SEC31B: variants seen among roughly 807,000 people sequenced by gnomAD.
SEC31B encodes SEC31 homolog B, COPII component, also known as protein transport protein Sec31B.
Under a neutral mutation model 135.0 loss-of-function variants are expected in SEC31B, and 113 were observed. That is an observed-to-expected ratio of 0.84 (90% CI 0.72 to 0.98). The LOEUF is 0.98. Among genes scored for constraint, SEC31B ranks in the 50% least tolerant of loss-of-function variants. SEC31B has a pLI of 0.00. For missense variants in SEC31B, 1,296 were observed against 1,421.1 expected (o/e 0.91, Z 1.42); for synonymous variants, 508 against 549.4 (o/e 0.92, Z 1.05).
intron 23 of SEC31B, 62 bp downstream of exon 23, chr10:100,489,189 TG>T (rs1851250038): frequency 1.3e-6 from 2 of 1,529,014 alleles, no homozygotes. Context: ...CCATCTACCA[TG>T]ACCTGCACCC....
chr10:100,490,033 G>A lies in SEC31B; in HGVS notation c.2940C>T (p.Thr980=), dbSNP rs1462173687. The A allele has an allele frequency of 6.5e-7, 1 of 1,548,780 alleles. No homozygotes were observed. The highest frequency in any genetic ancestry group is 1.4e-5 in the African/African-American group (1 of 72,502). The change falls in exon 21 of 26, where the codon ACC becomes ACT. Residue 980 remains threonine (T), a synonymous_variant. Coordinates refer to ENST00000370345, the MANE Select transcript of SEC31B (RefSeq NM_015490.4). ...PGAPCSSVLP[T]TGILTPHPGP... is the part of the protein sequence containing the mutation. ...CTGGGTGAGGAGTCAAGATGCCAGT[G>A]GTTGGGAGGACACTAGAGCATGGGG...
At position 100,507,437 on chromosome 10, in the gene SEC31B, T is replaced by G; in HGVS notation, c.770A>C (p.Glu257Ala). ...TCTGAGATGCTACCTGCTGTGGCTC[T>G]CCAGCACCTTCAAGGGCGAGGAGGC... ...RFASSPLKVLESHSRGILSVS... is the reference protein window; with the variant it reads ...RFASSPLKVLASHSRGILSVS... The change falls in exon 7 of 26, where the codon GAG becomes GCG. Residue 257 changes from glutamate to alanine, a missense_variant. Transcript: ENST00000370345. 6.2e-7 allele frequency: 1 copy of G among 1,614,212 alleles called. No homozygotes were observed.
intron 7 of SEC31B, 67 bp downstream of exon 7, chr10:100,507,358 T>C (rs1851651021): frequency 1.3e-6 from 2 of 1,594,140 alleles, no homozygotes; most frequent in Non-Finnish European, 8.6e-7. Flanking sequence ...AGGGATACAT[T>C]GCCTCCTACC....
At position 100,489,734 on chromosome 10, in the gene SEC31B, G is replaced by A. The variant is rs754655558; in HGVS notation, c.2993C>T (p.Pro998Leu). Reference protein sequence around the residue: ...PGPQDSWKEAPAPRGNLQRNK... With the variant: ...PGPQDSWKEALAPRGNLQRNK... ...CCTCTGGAGGTTTCCCCTGGGGGCT[G>A]GGGCTTCTTTCCAGGAATCTTGAGG... is the stretch of plus-strand genomic sequence containing the variant. The change falls in exon 22 of 26, where the codon CCA becomes CTA. Residue 998 changes from proline to leucine, a missense_variant. Physicochemically the swap from Pro to Leu is moderately conservative, Grantham distance 98. Coordinates refer to ENST00000370345, the MANE Select transcript of SEC31B (RefSeq NM_015490.4). 1 of 1,614,116 alleles carries A rather than the reference G, an allele frequency of 6.2e-7. No homozygotes were observed. The highest frequency in any genetic ancestry group is 2.2e-5 in the East Asian group (1 of 44,884).
At chr10:100,515,487 T>C (rs1222406747) in intron 3 of SEC31B, among the ~76,000 whole-genome samples, 1 of 152,198 alleles carries the variant, frequency 6.6e-6, no homozygotes, top group Non-Finnish European at 1.5e-5. Context: ...TGGACACAGA[T>C]AGGCCTTGAC....
At chr10:100,496,481 CT>C in intron 17 of SEC31B, 50 bp from the exon 18 acceptor site, 2 of 1,588,704 alleles carry the variant, frequency 1.3e-6, no homozygotes, top group Non-Finnish European at 1.7e-6. Context: ...GCATATCCTG[CT>C]CTCTAAGTCC....
Position 100,498,155 on chromosome 10 carries a change from G to A in SEC31B, c.1737C>T (p.Ala579=), listed in dbSNP as rs146003942. ...QALLLGELGP[A]VELCLKEERF... ...GCTCCTCCTTCAGACACAGCTCCAC[G>A]GCCGGACCCAGTTCCCCAAGCAGGA... The change falls in exon 15 of 26, where the codon GCC becomes GCT. Residue 579 remains alanine, a synonymous_variant. Transcript: ENST00000370345. 1.5e-4 allele frequency: 240 copies of A among 1,614,004 alleles called. No homozygotes were observed. The highest frequency in any genetic ancestry group is 1.6e-4 in the Middle Eastern group (1 of 6,084).
chr10:100,492,923 C>T (rs1002349898), intron 19 of SEC31B, among the ~76,000 whole-genome samples: 2 of 152,114 alleles, frequency 1.3e-5, no homozygotes, highest in Admixed American at 6.5e-5. Flanking sequence ...AATTATAAAA[C>T]GCTGATGGAG....
At chr10:100,493,945 CG>C (rs1427389858) in intron 19 of SEC31B, among the ~76,000 whole-genome samples, 3 of 130,030 alleles carry the variant, frequency 2.3e-5, no homozygotes, top group African/African-American at 9.2e-5. Flanking sequence ...TGAAAAGAGA[CG>C]GGGAGAGGGA....
chr10:100,498,890 A>G, intron 13 of SEC31B, 86 bp from the exon 14 acceptor site: 2 of 1,068,332 alleles, frequency 1.9e-6, no homozygotes, highest in Non-Finnish European at 1.4e-6. Context: ...GAGCTCTACT[A>G]TTTGGCCGTT....
At position 100,499,590 on chromosome 10, in the gene SEC31B, T is replaced by C. The variant is rs1356566535; in HGVS notation, c.1419A>G (p.Leu473=). 1.2e-6 allele frequency: 2 copies of C among 1,607,328 alleles called. No homozygotes were observed. Among genetic ancestry groups the C allele is most frequent in the Non-Finnish European group, 1.7e-6 (2 of 1,176,406 alleles). Residue 473 remains leucine, a synonymous_variant, in exon 12 of 26, where the codon TTA becomes TTG. Coordinates refer to ENST00000370345, the MANE Select transcript of SEC31B (RefSeq NM_015490.4). ...KMLWQFLKVT[L]EQDSRMKFLK... ...GGAATTTCATTCTGGAGTCTTGCTC[T>C]AAGGTCACCTAAGAAACCACAGAAC...
intron 3 of SEC31B, among the ~76,000 whole-genome samples, chr10:100,513,587 A>G (rs968195891): frequency 8.6e-5 from 13 of 151,936 alleles, no homozygotes; most frequent in Non-Finnish European, 1.5e-4. Context: ...CTGGTGCCTC[A>G]GCCTCCCGAG....
intron 17 of SEC31B, among the ~76,000 whole-genome samples, chr10:100,496,739 G>C (rs2273694): frequency 6.6e-6 from 1 of 151,984 alleles, no homozygotes; most frequent in Non-Finnish European, 1.5e-5. Flanking sequence ...GACTCTGTCA[G>C]ACTAATTGTT....
chr10:100,498,140 C>T lies in SEC31B; in HGVS notation c.1752G>A (p.Leu584=). Residue 584 remains leucine (L), a synonymous_variant, in exon 15 of 26, where the codon CTG becomes CTA. Transcript: ENST00000370345. ...GELGPAVELC[L]KEERFADAII... is the part of the protein sequence containing the mutation. ...TGGCATCAGCAAAGCGCTCCTCCTT[C>T]AGACACAGCTCCACGGCCGGACCCA... 1 of 1,614,224 alleles carries T rather than the reference C, an allele frequency of 6.2e-7. No homozygotes were observed. Among genetic ancestry groups the T allele is most frequent in the Non-Finnish European group, 8.5e-7 (1 of 1,180,042 alleles).
chr10:100,493,685 G>A (rs1050379416), intron 19 of SEC31B, among the ~76,000 whole-genome samples: 1 of 152,158 alleles, frequency 6.6e-6, no homozygotes, highest in African/African-American at 2.4e-5. Context: ...CTTGATTTTG[G>A]TGGTGGTTAC....
At position 100,497,669 on chromosome 10, in the gene SEC31B, C is replaced by T. The variant is rs1335451262; in HGVS notation, c.1988G>A (p.Cys663Tyr). 3 of 1,614,210 alleles carry T rather than the reference C, an allele frequency of 1.9e-6. No individual in the cohort carries two copies. Among genetic ancestry groups the T allele is most frequent in the Non-Finnish European group, 2.5e-6 (3 of 1,180,048 alleles). ...YSGTEKFPELCDMLGTRMEQE... is the reference protein window; with the variant it reads ...YSGTEKFPELYDMLGTRMEQE... Reference sequence around the variant, plus strand: ...CTGAAGCCTGGGACCACACTTACCACAGAGCTCGGGAAATTTCTCTGTGCC... The same window carrying T: ...CTGAAGCCTGGGACCACACTTACCATAGAGCTCGGGAAATTTCTCTGTGCC... Residue 663 changes from cysteine (C) to tyrosine (Y), a missense_variant and splice_region_variant, in exon 16 of 26, where the codon TGT becomes TAT. Transcript: ENST00000370345.
intron 3 of SEC31B, among the ~76,000 whole-genome samples, chr10:100,509,993 C>T (rs890830577): frequency 3.9e-5 from 6 of 152,116 alleles, no homozygotes; most frequent in African/African-American, 7.2e-5. Context: ...CTATTATTTC[C>T]ATTTTCAATT....
chr10:100,507,120 A>C (rs1851647239), intron 7 of SEC31B, among the ~76,000 whole-genome samples: 1 of 152,206 alleles, frequency 6.6e-6, no homozygotes, highest in Non-Finnish European at 1.5e-5. Flanking sequence ...TCACCTAAAG[A>C]AATGAACATT....
At chr10:100,499,716 G>A (rs1851481234) in intron 11 of SEC31B, 118 bp from the exon 12 acceptor site, 3 of 711,404 alleles carry the variant, frequency 4.2e-6, no homozygotes, top group Admixed American at 2.8e-5. Flanking sequence ...ACTACTAGAA[G>A]TGCCCTCAGC....
Sources: gnomAD v4.1 joint callset for allele counts (sites outside exome capture counted in the v4.1 genomes callset) on GRCh38, gnomAD v4.1.1 for gene constraint, MANE v1.5 for transcripts, NCBI Gene and HGNC (gene_info 2026-07-23, HGNC 2026-07-21) for gene names.